Variants in TAFA1 observed in about 807,000 individuals in gnomAD.
TAFA1 encodes TAFA chemokine like family member 1, also known as chemokine-like protein TAFA-1.
TAFA1 carries 4 observed loss-of-function variants against 18.5 expected under a neutral mutation model. That is an observed-to-expected ratio of 0.22 (90% CI 0.11 to 0.49). The LOEUF (loss-of-function observed/expected upper bound fraction) is 0.49. TAFA1 is among the 20% of genes least tolerant of loss of function. The pLI is 0.98. For synonymous variants in TAFA1, 56 were observed against 55.2 expected (o/e 1.01, Z -0.06); for missense variants, 147 against 169.0 (o/e 0.87, Z 0.72).
At chr3:68,271,608 G>A (rs2067671084) in intron 2 of TAFA1, among the ~76,000 whole-genome samples, 2 of 152,084 alleles carry the variant, frequency 1.3e-5, no homozygotes, top group Admixed American at 1.3e-4. Context: ...CCCAGGTTTT[G>A]CAACAAAGTT....
At chr3:68,162,597 T>C (rs1575653823) in intron 2 of TAFA1, among the ~76,000 whole-genome samples, 1 of 152,200 alleles carries the variant, frequency 6.6e-6, no homozygotes, top group Non-Finnish European at 1.5e-5. Context: ...CTAAGTTTAC[T>C]CTCTCTCTCC....
chr3:68,179,429 G>T (rs1225997695), intron 2 of TAFA1, among the ~76,000 whole-genome samples: 1 of 152,142 alleles, frequency 6.6e-6, no homozygotes, highest in Admixed American at 6.5e-5. Flanking sequence ...GGATCATGTT[G>T]TTCCTGCTCA....
chr3:68,336,857 G>A (rs1221071110), intron 2 of TAFA1, among the ~76,000 whole-genome samples: 1 of 152,110 alleles, frequency 6.6e-6, no homozygotes, highest in Non-Finnish European at 1.5e-5. Flanking sequence ...CCAAATAGCT[G>A]GGATTACAGG....
At chr3:68,027,330 G>T (rs1423737825) in intron 2 of TAFA1, among the ~76,000 whole-genome samples, 2 of 152,136 alleles carry the variant, frequency 1.3e-5, no homozygotes, top group Admixed American at 6.5e-5. Context: ...TGGGGCTATG[G>T]AAGATGTGGA....
At chr3:68,235,666 A>T (rs2066920204) in intron 2 of TAFA1, among the ~76,000 whole-genome samples, 1 of 152,060 alleles carries the variant, frequency 6.6e-6, no homozygotes, top group South Asian at 2.1e-4. Context: ...CTGTAGATCA[A>T]GTATGGCTGG....
At chr3:67,992,190 G>A in the TAFA1 span, among the ~76,000 whole-genome samples, 1 of 152,198 alleles carries the variant, frequency 6.6e-6, no homozygotes, top group African/African-American at 2.4e-5. Context: ...TCATTATCCT[G>A]GGATCTTGGC....
chr3:68,379,822 T>G (rs2069897958), intron 2 of TAFA1, among the ~76,000 whole-genome samples: 2 of 152,026 alleles, frequency 1.3e-5, no homozygotes, highest in Non-Finnish European at 2.9e-5. Context: ...ACATGCAGGT[T>G]TGTTACATAG....
intron 2 of TAFA1, among the ~76,000 whole-genome samples, chr3:68,134,998 T>C (rs2065589421): frequency 6.6e-6 from 1 of 152,200 alleles, no homozygotes; most frequent in Admixed American, 6.5e-5. Context: ...TTTCTTAGTA[T>C]GTGATTTCTA....
intron 2 of TAFA1, among the ~76,000 whole-genome samples, chr3:68,322,692 C>T (rs914778017): frequency 6.6e-6 from 1 of 152,122 alleles, no homozygotes; most frequent in African/African-American, 2.4e-5. Context: ...CCTGTAATCC[C>T]AGCATTTTGG....
chr3:68,486,102 G>GTTTTATTTTGTTTTA (rs2072334712), intron 3 of TAFA1, among the ~76,000 whole-genome samples: 1 of 121,328 alleles, frequency 8.2e-6, no homozygotes, highest in African/African-American at 3.1e-5. Context: ...ATTTTATTTT[G>GTTTTATTTTGTTTTA]TTTTATTTTA....
At chr3:68,475,033 T>A (rs2072064650) in intron 3 of TAFA1, among the ~76,000 whole-genome samples, 2 of 152,270 alleles carry the variant, frequency 1.3e-5, no homozygotes, top group African/African-American at 4.8e-5. Flanking sequence ...TCTGGTTCTT[T>A]GAGTTCACCA....
At chr3:68,346,569 T>C (rs1042838998) in intron 2 of TAFA1, among the ~76,000 whole-genome samples, 6 of 152,090 alleles carry the variant, frequency 3.9e-5, no homozygotes, top group East Asian at 1.9e-4. Flanking sequence ...TATTTGGGAG[T>C]GTTCTTTAAC....
chr3:68,356,687 G>A (rs1281551536), intron 2 of TAFA1, among the ~76,000 whole-genome samples: 1 of 151,778 alleles, frequency 6.6e-6, no homozygotes, highest in South Asian at 2.1e-4. Flanking sequence ...ATTATAAAGG[G>A]CTGTATACAG....
intron 2 of TAFA1, among the ~76,000 whole-genome samples, chr3:68,345,300 G>A (rs886471311): frequency 2.6e-5 from 4 of 152,154 alleles, no homozygotes; most frequent in Admixed American, 1.3e-4. Flanking sequence ...CCTCGTTCAG[G>A]CAGAGAGGCC....
At chr3:68,115,538 C>A (rs781700288) in intron 2 of TAFA1, among the ~76,000 whole-genome samples, 2 of 152,180 alleles carry the variant, frequency 1.3e-5, no homozygotes, top group African/African-American at 2.4e-5. Flanking sequence ...ACTATTCTCA[C>A]AGTCATTTAA....
At chr3:68,531,442 T>C (rs1175673280) in intron 3 of TAFA1, among the ~76,000 whole-genome samples, 2 of 151,296 alleles carry the variant, frequency 1.3e-5, no homozygotes, top group Non-Finnish European at 2.9e-5. Context: ...CTTGGGGTTT[T>C]ATAAGTTGGC....
intron 2 of TAFA1, among the ~76,000 whole-genome samples, chr3:68,059,749 TA>T (rs1282162793): frequency 6.6e-6 from 1 of 152,204 alleles, no homozygotes; most frequent in Non-Finnish European, 1.5e-5. Context: ...CTAAATGAAT[TA>T]AAGAATCAGA....
At chr3:68,258,389 G>A (rs568879698) in intron 2 of TAFA1, among the ~76,000 whole-genome samples, 35 of 152,268 alleles carry the variant, frequency 2.3e-4, no homozygotes, top group African/African-American at 7.2e-4. Context: ...GCTTCAATTG[G>A]TCAGGACTTG....
chr3:68,110,403 G>C (rs2065250372), intron 2 of TAFA1, among the ~76,000 whole-genome samples: 1 of 152,104 alleles, frequency 6.6e-6, no homozygotes, highest in African/African-American at 2.4e-5. Flanking sequence ...CTGATTTCAT[G>C]TTTCTTCTAT....
Sources: gnomAD v4.1 joint callset for allele counts (sites outside exome capture counted in the v4.1 genomes callset) on GRCh38, gnomAD v4.1.1 for gene constraint, MANE v1.5 for transcripts, NCBI Gene and HGNC (gene_info 2026-07-23, HGNC 2026-07-21) for gene names.